ELAVL2: variants seen among roughly 807,000 people sequenced by gnomAD.
ELAVL2 encodes the protein ELAV-like protein 2.
In ELAVL2, 4 loss-of-function variants were observed where a neutral mutation model predicts 34.6. The observed-to-expected ratio is 0.12, with a 90% CI of 0.06 to 0.26. The LOEUF (loss-of-function observed/expected upper bound fraction) is 0.26, where lower values mean the gene tolerates loss of function less well. Ranked by LOEUF, ELAVL2 falls within the 10% of genes least tolerant of loss-of-function variation. ELAVL2 has a pLI of 1.00. For missense variants in ELAVL2, 432 were observed against 442.8 expected, an observed-to-expected ratio of 0.98 and a Z score of 0.22; for synonymous variants, 193 against 154.8, an observed-to-expected ratio of 1.25 and a Z score of -1.83.
intron 2 of ELAVL2, among the ~76,000 whole-genome samples, chr9:23,754,909 C>T (rs546908052): frequency 2.0e-4 from 31 of 152,224 alleles, no homozygotes; most frequent in African/African-American, 7.2e-4. Flanking sequence ...CAGAAGTAAG[C>T]GACTCATTAC....
At chr9:23,767,803 T>C (rs562881760) in intron 1 of ELAVL2, among the ~76,000 whole-genome samples, 12 of 152,114 alleles carry the variant, frequency 7.9e-5, no homozygotes, top group Non-Finnish European at 1.6e-4. Flanking sequence ...ATCCTAACTA[T>C]ATTCTGAGAG....
intron 2 of ELAVL2, among the ~76,000 whole-genome samples, chr9:23,742,248 T>TA (rs896876915): frequency 1.3e-5 from 2 of 152,158 alleles, no homozygotes; most frequent in African/African-American, 2.4e-5. Context: ...TACACAGCTG[T>TA]AAAAACAAGT....
chr9:23,839,200 G>A, the ELAVL2 span, among the ~76,000 whole-genome samples: 5 of 151,770 alleles, frequency 3.3e-5, no homozygotes, highest in Non-Finnish European at 7.4e-5. Flanking sequence ...TTAATATGAT[G>A]TATTTTAATG....
chr9:23,749,181 GAATT>G (rs567525942), intron 2 of ELAVL2, among the ~76,000 whole-genome samples: 1 of 151,900 alleles, frequency 6.6e-6, no homozygotes, highest in Non-Finnish European at 1.5e-5. Context: ...TTAAAGTTTA[GAATT>G]AATCTGATGA....
intron 2 of ELAVL2, among the ~76,000 whole-genome samples, chr9:23,749,075 T>C (rs942240613): frequency 6.6e-6 from 1 of 152,142 alleles, no homozygotes; most frequent in Non-Finnish European, 1.5e-5. Flanking sequence ...GGCTGCATAA[T>C]ACTGTGAATG....
intron 1 of ELAVL2, chr9:23,779,221 A>T (rs2058698223): frequency 1.0e-6 from 1 of 985,296 alleles, no homozygotes; most frequent in Non-Finnish European, 1.2e-6. Context: ...ACTGAAGGGT[A>T]AATAAGAGGT....
chr9:23,708,449 T>G (rs1294370055), intron 3 of ELAVL2, among the ~76,000 whole-genome samples: 1 of 152,226 alleles, frequency 6.6e-6, no homozygotes, highest in African/African-American at 2.4e-5. Context: ...GTTCAAACTC[T>G]GATCTTTCTC....
At chr9:23,702,105 G>A (rs2037470337) in intron 4 of ELAVL2, among the ~76,000 whole-genome samples, 1 of 152,020 alleles carries the variant, frequency 6.6e-6, no homozygotes, top group Non-Finnish European at 1.5e-5. Context: ...AAGACATTTC[G>A]GTTGAAATTT....
intron 5 of ELAVL2, among the ~76,000 whole-genome samples, chr9:23,697,491 CT>C (rs375479184): frequency 1.3e-5 from 2 of 152,028 alleles, no homozygotes; most frequent in Non-Finnish European, 2.9e-5. Flanking sequence ...CATCTTTATC[CT>C]TTTTTATGTT....
chr9:23,737,245 C>A (rs2048115833), intron 2 of ELAVL2, among the ~76,000 whole-genome samples: 1 of 152,172 alleles, frequency 6.6e-6, no homozygotes, highest in Admixed American at 6.5e-5. Flanking sequence ...CAGCATCTGC[C>A]TTCCAGGAGC....
chr9:23,719,823 CTTTTT>C (rs201455930), intron 3 of ELAVL2, among the ~76,000 whole-genome samples: 1 of 130,516 alleles, frequency 7.7e-6, no homozygotes, highest in Non-Finnish European at 1.6e-5. Context: ...TTAAAAGCCA[CTTTTT>C]TTTTTTTTTT....
At chr9:23,699,780 A>G (rs532967276) in intron 5 of ELAVL2, among the ~76,000 whole-genome samples, 3 of 134,026 alleles carry the variant, frequency 2.2e-5, no homozygotes, top group African/African-American at 8.5e-5. Flanking sequence ...TAGTCTGATC[A>G]CCACTACCAT....
chr9:23,749,125 A>G (rs2051253507), intron 2 of ELAVL2, among the ~76,000 whole-genome samples: 1 of 152,134 alleles, frequency 6.6e-6, no homozygotes, highest in Non-Finnish European at 1.5e-5. Flanking sequence ...AAAGGTTCAA[A>G]TGATAAATTT....
rs1415635401 is a variant in ELAVL2 at position 23,691,040 on chromosome 9, C to T, written c.*1517G>A. 1 of 152,448 alleles carries T rather than the reference C, an allele frequency of 6.6e-6. No individual in the cohort carries two copies. Among genetic ancestry groups the T allele is most frequent in the African/African-American group, 2.4e-5 (1 of 41,392 alleles). The allele number at this position is 152,448 out of a possible 1,614,324, so 9.4% of individuals were successfully genotyped here. A position where few individuals can be genotyped will look rare whatever the true frequency, so the allele number is the denominator to read the frequency against. ...TATACTCATTTTTTTATACCACAAACATATTTATAAACCAAAATGTAGCAT... is the reference window on the plus strand; with the variant it reads ...TATACTCATTTTTTTATACCACAAATATATTTATAAACCAAAATGTAGCAT... On this transcript the variant is annotated 3_prime_UTR_variant, in exon 7 of 7. Coordinates refer to ENST00000397312, the MANE Select transcript of ELAVL2 (RefSeq NM_004432.5).
At position 23,751,189 on chromosome 9, in the gene ELAVL2, CA is replaced by C. The variant is rs1161779505; in HGVS notation, c.229+10816del. On this transcript the variant is annotated intron_variant, in intron 2 of 6. Transcript: ENST00000397312. ...TTGTACGCCATACACATTTTCCCTA[CA>C]AAATCAAAGCAGTATGTACAAAACA... 5.3e-5 allele frequency among the ~76,000 whole-genome samples: 8 copies of C among 152,122 alleles called. No individual in the cohort carries two copies. The East Asian group carries it at 1.5e-3, about 29-fold the overall frequency.
At chr9:23,715,612 G>C (rs1245071499) in intron 3 of ELAVL2, among the ~76,000 whole-genome samples, 1 of 152,210 alleles carries the variant, frequency 6.6e-6, no homozygotes, top group African/African-American at 2.4e-5. Flanking sequence ...TCCAGCAATG[G>C]CTTCAGTATT....
intron 1 of ELAVL2, among the ~76,000 whole-genome samples, chr9:23,784,857 G>C (rs992768740): frequency 3.3e-5 from 5 of 152,126 alleles, no homozygotes; most frequent in African/African-American, 1.2e-4. Context: ...ATATCCGTAG[G>C]GAAAAATAAG....
chr9:23,722,401 C>A (rs145050651), intron 3 of ELAVL2, among the ~76,000 whole-genome samples: 3 of 152,208 alleles, frequency 2.0e-5, no homozygotes, highest in Non-Finnish European at 4.4e-5. Context: ...CACTTATCTG[C>A]TAAGTATGAC....
chr9:23,818,202 TAGTC>T (rs1284166190), intron 1 of ELAVL2, among the ~76,000 whole-genome samples: 5 of 152,192 alleles, frequency 3.3e-5, no homozygotes, highest in African/African-American at 9.7e-5. Context: ...GTGAATTTGA[TAGTC>T]AGGTGTGGCA....
Sources: allele counts gnomAD v4.1 joint callset (sites outside exome capture counted in the v4.1 genomes callset), GRCh38; gene constraint gnomAD v4.1.1; transcripts MANE v1.5; gene names NCBI Gene and HGNC (gene_info 2026-07-23, HGNC 2026-07-21).